Variants in ANO3 observed in about 807,000 individuals in gnomAD.
ANO3 encodes the protein anoctamin-3.
ANO3 carries 99 observed loss-of-function variants against 144.8 expected under a neutral mutation model. The observed-to-expected ratio is 0.68, with a 90% CI of 0.58 to 0.81. The LOEUF (loss-of-function observed/expected upper bound fraction) is 0.81. ANO3 is among the 30% of genes least tolerant of loss of function. The pLI is 0.00. For synonymous variants in ANO3, 414 were observed against 392.6 expected (o/e 1.05, Z -0.64); for missense variants, 905 against 1,202.2 (o/e 0.75, Z 3.66).
intron 24 of ANO3, among the ~76,000 whole-genome samples, chr11:26,655,175 GCAAATATCTCATGAGA>G (rs1853648303): frequency 6.6e-6 from 1 of 152,098 alleles, no homozygotes; most frequent in Non-Finnish European, 1.5e-5. Flanking sequence ...CAAGAACTTA[GCAAATATCTCATGAGA>G]AAACATCCAG....
intron 10 of ANO3, among the ~76,000 whole-genome samples, chr11:26,541,336 C>T (rs1368256497): frequency 6.6e-6 from 1 of 152,038 alleles, no homozygotes; most frequent in Admixed American, 6.6e-5. Context: ...AGGAGAAATA[C>T]CTAATGCAGA....
chr11:26,379,971 C>G (rs956068377), intron 1 of ANO3, among the ~76,000 whole-genome samples: 1 of 152,066 alleles, frequency 6.6e-6, no homozygotes, highest in Non-Finnish European at 1.5e-5. Flanking sequence ...TTCAGTTAAT[C>G]CTGTTTATGT....
At chr11:26,464,021 TAATCACATTC>T (rs1472590957) in intron 4 of ANO3, among the ~76,000 whole-genome samples, 2 of 151,914 alleles carry the variant, frequency 1.3e-5, no homozygotes, top group African/African-American at 4.8e-5. Flanking sequence ...GCATGGCTAA[TAATCACATTC>T]TTGAATACAA....
chr11:26,628,478 T>G (rs1390930743), intron 18 of ANO3, among the ~76,000 whole-genome samples: 1 of 152,220 alleles, frequency 6.6e-6, no homozygotes, highest in Non-Finnish European at 1.5e-5. Context: ...AAACAGCACC[T>G]ATATCCTTAG....
intron 23 of ANO3, among the ~76,000 whole-genome samples, chr11:26,643,726 CAA>C (rs71047870): frequency 2.0e-5 from 3 of 149,824 alleles, no homozygotes; most frequent in Admixed American, 1.3e-4. Flanking sequence ...AACTCCCTCT[CAA>C]AAAAAAAAAG....
intron 4 of ANO3, among the ~76,000 whole-genome samples, chr11:26,493,371 A>G (rs1007263906): frequency 6.6e-6 from 1 of 152,188 alleles, no homozygotes; most frequent in African/African-American, 2.4e-5. Context: ...CATGCTGGAA[A>G]GGACTGCTGT....
chr11:26,588,505 T>C (rs1851353157), intron 14 of ANO3, among the ~76,000 whole-genome samples: 1 of 152,218 alleles, frequency 6.6e-6, no homozygotes, highest in Admixed American at 6.5e-5. Context: ...AAAGATTCAA[T>C]ATATTTTCTG....
chr11:26,504,322 C>T (rs1444966266), intron 4 of ANO3, among the ~76,000 whole-genome samples: 3 of 152,124 alleles, frequency 2.0e-5, no homozygotes, highest in East Asian at 1.9e-4. Flanking sequence ...ATACATAGAA[C>T]TATGCGTATT....
At chr11:26,504,780 TTGGGAGGCCAAGGCGGGCAGATCACAAA>T (rs1373009089) in intron 4 of ANO3, among the ~76,000 whole-genome samples, 25 of 86,198 alleles carry the variant, frequency 2.9e-4, no homozygotes, top group South Asian at 9.8e-4. Flanking sequence ...TCCCAGCACT[TTGGGAGGCCAAGGCGGGCAGATCACAAA>T]GTCAGGAGAT....
At chr11:26,525,757 T>C (rs1023450866) in intron 7 of ANO3, 78 bp downstream of exon 7, 1 of 1,080,414 alleles carries the variant, frequency 9.3e-7, no homozygotes, top group Admixed American at 2.4e-5. Context: ...ATTCCCCATA[T>C]CAGCAGTTGT....
At chr11:26,354,431 G>A (rs1322347618) in intron 1 of ANO3, among the ~76,000 whole-genome samples, 2 of 152,130 alleles carry the variant, frequency 1.3e-5, no homozygotes, top group East Asian at 3.9e-4. Context: ...ACATCAATTT[G>A]TATGCATTAA....
At chr11:26,651,436 A>G (rs1022610406) in intron 24 of ANO3, among the ~76,000 whole-genome samples, 1 of 152,148 alleles carries the variant, frequency 6.6e-6, no homozygotes, top group Non-Finnish European at 1.5e-5. Flanking sequence ...AACCAAAACA[A>G]CATATTGCAA....
intron 1 of ANO3, among the ~76,000 whole-genome samples, chr11:26,441,177 G>A (rs138717989): frequency 0.036 from 5,142 of 141,700 alleles, 114 homozygotes; most frequent in Non-Finnish European, 0.05. Flanking sequence ...GAGTGCAGTG[G>A]CGGGATCTCG....
chr11:26,516,313 C>T (rs571871658), intron 5 of ANO3, among the ~76,000 whole-genome samples: 147 of 151,374 alleles, frequency 9.7e-4, no homozygotes, highest in African/African-American at 3.4e-3. Context: ...GACGACTCTA[C>T]GAGATAACAG....
intron 14 of ANO3, chr11:26,563,390 T>TCC (rs1850375634): frequency 1.1e-6 from 1 of 899,212 alleles, no homozygotes; most frequent in African/African-American, 2.5e-5. Flanking sequence ...GGTGTGTTTC[T>TCC]CTCTCTGTGT....
chr11:26,517,051 G>T, intron 6 of ANO3, 124 bp downstream of exon 6: 1 of 492,040 alleles, frequency 2.0e-6, no homozygotes, highest in Non-Finnish European at 3.5e-6. Flanking sequence ...CAAAATTTCA[G>T]TTATTCTGGA....
chr11:26,418,293 C>CT (rs1158103470), intron 1 of ANO3, among the ~76,000 whole-genome samples: 1 of 152,042 alleles, frequency 6.6e-6, no homozygotes, highest in African/African-American at 2.4e-5. Flanking sequence ...AACAAAATTG[C>CT]TTTTAGTTGA....
intron 4 of ANO3, among the ~76,000 whole-genome samples, chr11:26,477,621 GATT>G (rs1159269552): frequency 6.6e-6 from 1 of 152,050 alleles, no homozygotes; most frequent in Admixed American, 6.6e-5. Context: ...GGGGACAATG[GATT>G]ATTTTTTCTT....
chr11:26,533,250 G>T (rs1234153533), intron 8 of ANO3, among the ~76,000 whole-genome samples: 2 of 152,116 alleles, frequency 1.3e-5, no homozygotes, highest in African/African-American at 2.4e-5. Context: ...AAAGGAAATA[G>T]CTCTTTTTGT....
Sources: gnomAD v4.1 joint callset for allele counts (sites outside exome capture counted in the v4.1 genomes callset) on GRCh38, gnomAD v4.1.1 for gene constraint, MANE v1.5 for transcripts, NCBI Gene and HGNC (gene_info 2026-07-23, HGNC 2026-07-21) for gene names.